NRG1: variants seen among roughly 807,000 people sequenced by gnomAD.
The protein encoded by NRG1 is neuregulin 1, also known as pro-neuregulin-1, membrane-bound isoform.
Under a neutral mutation model 63.8 loss-of-function variants are expected in NRG1, and 18 were observed. The observed-to-expected ratio is 0.28, with a 90% CI of 0.19 to 0.42. The LOEUF (loss-of-function observed/expected upper bound fraction) is 0.42. Ranked by LOEUF, NRG1 falls within the 10% of genes least tolerant of loss-of-function variation. The probability of loss-of-function intolerance (pLI) is 1.00; values close to 1 mark genes in which losing one functional copy is unlikely to be tolerated. For synonymous variants in NRG1, 302 were observed against 301.3 expected (o/e 1.00, Z -0.02); for missense variants, 762 against 814.7 (o/e 0.94, Z 0.79).
At chr8:31,979,441 G>A (rs927027617) in intron 1 of NRG1, among the ~76,000 whole-genome samples, 1 of 151,960 alleles carries the variant, frequency 6.6e-6, no homozygotes, top group African/African-American at 2.4e-5. Context: ...TGTCTTGTCT[G>A]CCTCGTCAAA....
chr8:32,051,281 T>TCC (rs1563727636), intron 1 of NRG1, among the ~76,000 whole-genome samples: 2 of 152,154 alleles, frequency 1.3e-5, no homozygotes, highest in Non-Finnish European at 2.9e-5. Context: ...CAATGCTAGG[T>TCC]CCAGTGCATG....
chr8:31,805,193 ATCTT>A lies in NRG1; in HGVS notation c.37+165768_37+165771del, dbSNP rs549627895. The stretch of plus-strand genomic sequence containing the variant: ...TTAGGTAATGAATAAATCTGGATTT[ATCTT>A]TCTTTATAATAAAAATATGGTCTGA... On this transcript the variant is annotated intron_variant, in intron 1 of 10. Coordinates refer to the NRG1 transcript ENST00000519301. 4.1e-4 allele frequency among the ~76,000 whole-genome samples: 62 copies of A among 152,232 alleles called. 1 individual carries two copies. In the South Asian group the frequency reaches 5.4e-3, roughly 13 times the overall value.
chr8:32,366,703 ATATATATATATC>A (rs1563367129), intron 1 of NRG1, among the ~76,000 whole-genome samples: 4 of 56,448 alleles, frequency 7.1e-5, no homozygotes, highest in African/African-American at 1.0e-4. Context: ...ATATATATAT[ATATATATATATC>A]TCACTTTTTT....
intron 5 of NRG1, among the ~76,000 whole-genome samples, chr8:32,705,377 C>T (rs989388642): frequency 1.8e-4 from 27 of 152,036 alleles, no homozygotes; most frequent in Admixed American, 1.4e-3. Context: ...GTGATCTGCC[C>T]GCCTCGGCCT....
At chr8:32,559,748 G>A (rs1361625614) in intron 1 of NRG1, among the ~76,000 whole-genome samples, 1 of 151,438 alleles carries the variant, frequency 6.6e-6, no homozygotes, top group African/African-American at 2.4e-5. Context: ...TGTATTCCCA[G>A]CACTTTGAGG....
intron 5 of NRG1, among the ~76,000 whole-genome samples, chr8:32,709,411 ATTATTCATTTTTATTT>A: frequency 6.6e-6 from 1 of 151,882 alleles, no homozygotes; most frequent in Non-Finnish European, 1.5e-5. Context: ...TTATTTTATT[ATTATTCATTTTTATTT>A]TTATTTTTTT....
At chr8:32,158,807 A>C (rs1357939602) in intron 1 of NRG1, among the ~76,000 whole-genome samples, 1 of 151,902 alleles carries the variant, frequency 6.6e-6, no homozygotes, top group African/African-American at 2.4e-5. Flanking sequence ...AAGGGTTGGG[A>C]GGTAAGGGTG....
chr8:31,910,937 A>G (rs575682649), intron 1 of NRG1, among the ~76,000 whole-genome samples: 1 of 152,290 alleles, frequency 6.6e-6, no homozygotes, highest in African/African-American at 2.4e-5. Flanking sequence ...CAACAGGACC[A>G]GCCTCATAAT....
At chr8:32,504,514 A>G (rs1410268690) in intron 1 of NRG1, among the ~76,000 whole-genome samples, 1 of 152,214 alleles carries the variant, frequency 6.6e-6, no homozygotes, top group Non-Finnish European at 1.5e-5. Context: ...ATTTGGTAAT[A>G]CCATCATGAA....
At chr8:32,217,335 C>G (rs1339650579) in intron 1 of NRG1, among the ~76,000 whole-genome samples, 1 of 151,736 alleles carries the variant, frequency 6.6e-6, no homozygotes, top group Non-Finnish European at 1.5e-5. Context: ...CCAGGAAAGT[C>G]TAGTGCCCAG....
At chr8:32,413,750 T>G (rs986697385) in intron 1 of NRG1, among the ~76,000 whole-genome samples, 1 of 152,182 alleles carries the variant, frequency 6.6e-6, no homozygotes, top group Non-Finnish European at 1.5e-5. Flanking sequence ...GCATAGGCAG[T>G]GTGCATCTCT....
intron 1 of NRG1, among the ~76,000 whole-genome samples, chr8:32,359,682 T>G (rs553334284): frequency 6.6e-6 from 1 of 152,322 alleles, no homozygotes; most frequent in South Asian, 2.1e-4. Context: ...CTTGTGGAAG[T>G]AGGTTTGGAA....
chr8:32,531,988 G>A (rs936737477), intron 1 of NRG1, among the ~76,000 whole-genome samples: 3 of 152,114 alleles, frequency 2.0e-5, no homozygotes, highest in African/African-American at 7.2e-5. Flanking sequence ...AATTACACCT[G>A]GACCAAAAGT....
chr8:32,142,374 A>G (rs1836382705), intron 1 of NRG1, among the ~76,000 whole-genome samples: 1 of 152,136 alleles, frequency 6.6e-6, no homozygotes, highest in South Asian at 2.1e-4. Flanking sequence ...TGATTTTTAG[A>G]CTTCCTATGC....
chr8:32,737,675 C>CT (rs561750288), intron 6 of NRG1, among the ~76,000 whole-genome samples: 6,397 of 127,870 alleles, frequency 0.05, 292 homozygotes, highest in African/African-American at 0.078. Flanking sequence ...GACAATCTTC[C>CT]TTTTTTTTTT....
At chr8:32,714,511 G>C (rs1268578440) in intron 5 of NRG1, among the ~76,000 whole-genome samples, 1 of 152,276 alleles carries the variant, frequency 6.6e-6, no homozygotes, top group Non-Finnish European at 1.5e-5. Flanking sequence ...CAAGAATCTA[G>C]ACAACACAAA....
intron 1 of NRG1, among the ~76,000 whole-genome samples, chr8:32,043,115 CAAAT>C (rs1341838489): frequency 6.6e-6 from 1 of 151,510 alleles, no homozygotes; most frequent in Admixed American, 6.6e-5. Flanking sequence ...AAAATAAACA[CAAAT>C]AAATCCATGC....
intron 7 of NRG1, chr8:32,749,648 TC>T (rs1052163007): frequency 6.5e-6 from 10 of 1,527,662 alleles, no homozygotes; most frequent in Non-Finnish European, 7.2e-6. Flanking sequence ...GAAATCTTTT[TC>T]CCTTCCTACT....
At chr8:32,094,320 G>A (rs1829601904) in intron 1 of NRG1, among the ~76,000 whole-genome samples, 1 of 152,168 alleles carries the variant, frequency 6.6e-6, no homozygotes, top group African/African-American at 2.4e-5. Context: ...TGGCTAGGAT[G>A]AGCTGTGACT....
Sources: gnomAD v4.1 joint callset for allele counts (sites outside exome capture counted in the v4.1 genomes callset) on GRCh38, gnomAD v4.1.1 for gene constraint, MANE v1.5 for transcripts, NCBI Gene and HGNC (gene_info 2026-07-23, HGNC 2026-07-21) for gene names.